PTPRN2: variants seen among roughly 807,000 people sequenced by gnomAD.
The protein encoded by PTPRN2 is receptor-type tyrosine-protein phosphatase N2.
A neutral mutation model predicts 118.8 loss-of-function variants in PTPRN2; 74 were observed. The observed-to-expected ratio is 0.62, with a 90% CI of 0.52 to 0.76. The LOEUF is 0.76. PTPRN2 is among the 30% of genes least tolerant of loss of function. PTPRN2 has a pLI of 0.00. For synonymous variants in PTPRN2, 641 were observed against 608.0 expected (o/e 1.05, Z -0.80); for missense variants, 1,481 against 1,394.4 (o/e 1.06, Z -0.99).
chr7:158,482,834 G>A (rs1055761989), intron 2 of PTPRN2, among the ~76,000 whole-genome samples: 1 of 151,118 alleles, frequency 6.6e-6, no homozygotes. Flanking sequence ...TGTTTATATA[G>A]ACTGGATTCA....
At chr7:158,212,929 A>T (rs1450382274) in intron 3 of PTPRN2, among the ~76,000 whole-genome samples, 3 of 152,214 alleles carry the variant, frequency 2.0e-5, no homozygotes, top group African/African-American at 7.2e-5. Context: ...ACAAGGGTGA[A>T]GTAGTTATGA....
At position 157,714,160 on chromosome 7, in the gene PTPRN2, C is replaced by G. The variant is rs749557112; in HGVS notation, c.1789-31223G>C. ...GCATCAACTCTGCAGAGACGTCTCA[C>G]AGGTCACGTTAGAAGGCTATGAAAA... On this transcript the variant is annotated intron_variant, in intron 12 of 22. Coordinates refer to ENST00000389418, the MANE Select transcript of PTPRN2 (RefSeq NM_002847.5). Among the ~76,000 whole-genome samples, 21 of 152,220 alleles carry G rather than the reference C, an allele frequency of 1.4e-4. 1 individual carries two copies. Among genetic ancestry groups the G allele is most frequent in the Non-Finnish European group, 2.6e-4 (18 of 68,038 alleles).
At chr7:158,043,732 C>T (rs1260896858) in intron 11 of PTPRN2, among the ~76,000 whole-genome samples, 1 of 152,210 alleles carries the variant, frequency 6.6e-6, no homozygotes, top group Non-Finnish European at 1.5e-5. Flanking sequence ...GTTCTCAATG[C>T]CAGGGCACCC....
At chr7:158,499,166 T>TATCATC (rs911681137) in intron 1 of PTPRN2, among the ~76,000 whole-genome samples, 9 of 152,006 alleles carry the variant, frequency 5.9e-5, no homozygotes, top group South Asian at 2.1e-4. Flanking sequence ...ATATCATCAT[T>TATCATC]ATCATCATCA....
chr7:158,346,020 G>T (rs1043887366), intron 2 of PTPRN2, among the ~76,000 whole-genome samples: 1 of 152,196 alleles, frequency 6.6e-6, no homozygotes, highest in African/African-American at 2.4e-5. Flanking sequence ...ACAACTCAAG[G>T]TGAGATGTGG....
Position 157,983,516 on chromosome 7 carries a change from C to T in PTPRN2, c.1724-84779G>A, listed in dbSNP as rs371393733. ...TGCTGATCACATCCCACCCCAGCTT[C>T]CAGGTGCTTCTGACACAGCTGAAAC... On this transcript the variant is annotated intron_variant, in intron 11 of 22. Transcript: ENST00000389418. 4.6e-5 allele frequency among the ~76,000 whole-genome samples: 7 copies of T among 152,388 alleles called. 1 individual carries two copies. The highest frequency in any genetic ancestry group is 1.7e-4 in the African/African-American group (7 of 41,588).
chr7:158,124,787 G>A (rs562783559), intron 9 of PTPRN2, among the ~76,000 whole-genome samples: 1 of 152,314 alleles, frequency 6.6e-6, no homozygotes, highest in East Asian at 1.9e-4. Context: ...CCTGGGCCAC[G>A]CTGGGGCTGG....
At chr7:158,224,066 A>C (rs1343169259) in intron 3 of PTPRN2, among the ~76,000 whole-genome samples, 1 of 152,206 alleles carries the variant, frequency 6.6e-6, no homozygotes, top group Non-Finnish European at 1.5e-5. Context: ...CACGTACAGG[A>C]CCTATGTGCT....
intron 12 of PTPRN2, among the ~76,000 whole-genome samples, chr7:157,887,509 A>T (rs558096428): frequency 1.4e-4 from 1 of 6,990 alleles, no homozygotes; most frequent in African/African-American, 5.5e-4. Context: ...GTCAGTACCC[A>T]CTCCCCCCAG....
At chr7:157,740,656 C>T (rs1800583796) in intron 12 of PTPRN2, among the ~76,000 whole-genome samples, 2 of 152,182 alleles carry the variant, frequency 1.3e-5, no homozygotes, top group African/African-American at 2.4e-5. Context: ...CAAGGAGTGG[C>T]GGGAGCTTCT....
Position 158,054,889 on chromosome 7 carries a change from G to A in PTPRN2, c.1723+26409C>T, listed in dbSNP as rs115074389. 1.4e-3 allele frequency among the ~76,000 whole-genome samples: 220 copies of A among 152,274 alleles called. 1 individual carries two copies. The highest frequency in any genetic ancestry group is 4.7e-3 in the African/African-American group (195 of 41,560). On this transcript the variant is annotated intron_variant, in intron 11 of 22. Transcript: ENST00000389418. ...GGCACCTCCAAGACACCTGCAGACTGCAGCCCGCACGCCAGTGCCCAAGGT... is the reference window on the plus strand; with the variant it reads ...GGCACCTCCAAGACACCTGCAGACTACAGCCCGCACGCCAGTGCCCAAGGT...
intron 11 of PTPRN2, among the ~76,000 whole-genome samples, chr7:158,026,028 G>T (rs1298543090): frequency 6.6e-6 from 1 of 152,262 alleles, no homozygotes; most frequent in Admixed American, 6.5e-5. Context: ...CCCCTCAGCT[G>T]CTGCTCAGGT....
At chr7:158,304,972 G>C (rs1801175801) in intron 3 of PTPRN2, among the ~76,000 whole-genome samples, 1 of 152,186 alleles carries the variant, frequency 6.6e-6, no homozygotes, top group South Asian at 2.1e-4. Context: ...ATATATTTTG[G>C]GGTAAAATAC....
In PTPRN2 at chr7:157,974,513, G is replaced by C. The variant is rs74620734; in HGVS notation, c.1724-75776C>G. Among the ~76,000 whole-genome samples, 1,241 of 152,288 alleles carry C rather than the reference G, an allele frequency of 8.1e-3. 22 individuals are homozygous for C. The highest frequency in any genetic ancestry group is 0.029 in the African/African-American group (1,185 of 41,548). ...TGTTCACTGGCAGTGGGAACCGTCGGTCCTGCCATGGGACGATGTGACTGG... is the reference window on the plus strand; with the variant it reads ...TGTTCACTGGCAGTGGGAACCGTCGCTCCTGCCATGGGACGATGTGACTGG... On this transcript the variant is annotated intron_variant, in intron 11 of 22. Transcript: ENST00000389418. This position sits in a 1 kb window ranked among gnomAD's most constrained non-coding sequence, Gnocchi z 4.0.
intron 2 of PTPRN2, among the ~76,000 whole-genome samples, chr7:158,340,988 C>CG (rs1806642969): frequency 1.3e-5 from 1 of 78,732 alleles, no homozygotes; most frequent in Non-Finnish European, 2.8e-5. Flanking sequence ...CACCCACACT[C>CG]TCACCATAAG....
rs1814401613 is a variant in PTPRN2, at chr7:158,093,740, G to A, written c.1644-12363C>T. Among the ~76,000 whole-genome samples the A allele has an allele frequency of 6.6e-6, 1 of 152,066 alleles. No homozygotes were observed. Among genetic ancestry groups the A allele is most frequent in the Admixed American group, 6.5e-5 (1 of 15,268 alleles). On this transcript the variant is annotated intron_variant, in intron 10 of 22. Transcript: ENST00000389418. This position sits in a 1 kb window ranked among gnomAD's most constrained non-coding sequence, Gnocchi z 4.4. Reference sequence around the variant, plus strand: ...CACTTTTAATTTTACCACATTTCCTGCACAATTGTGTATTCCTGCCTCTCG... The same window carrying A: ...CACTTTTAATTTTACCACATTTCCTACACAATTGTGTATTCCTGCCTCTCG...
intron 3 of PTPRN2, among the ~76,000 whole-genome samples, chr7:158,206,559 C>T (rs1191958992): frequency 6.6e-6 from 1 of 151,920 alleles, no homozygotes; most frequent in African/African-American, 2.4e-5. Context: ...CTCCAGGAAG[C>T]TCGGGGAGGG....
intron 1 of PTPRN2, among the ~76,000 whole-genome samples, chr7:158,548,117 G>A (rs903843943): frequency 6.6e-6 from 1 of 152,206 alleles, no homozygotes; most frequent in Non-Finnish European, 1.5e-5. Context: ...AGGAGCAGGC[G>A]ACATCCACTC....
chr7:157,828,791 G>C (rs148299405), intron 12 of PTPRN2, among the ~76,000 whole-genome samples: 96 of 152,336 alleles, frequency 6.3e-4, no homozygotes, highest in African/African-American at 2.2e-3. Flanking sequence ...TCCCGAAAAT[G>C]CCCACTTTGG....
Sources: gnomAD v4.1 joint callset for allele counts (sites outside exome capture counted in the v4.1 genomes callset) on GRCh38, gnomAD v4.1.1 for gene constraint, Gnocchi (gnomAD v3.1) non-coding constraint, MANE v1.5 for transcripts, NCBI Gene and HGNC (gene_info 2026-07-23, HGNC 2026-07-21) for gene names.